Variants in TES observed in about 807,000 individuals in gnomAD.
TES encodes testin.
A neutral mutation model predicts 48.2 loss-of-function variants in TES; 41 were observed. The ratio of observed to expected loss-of-function variants is 0.85; its 90% CI spans 0.66 to 1.10. The LOEUF (loss-of-function observed/expected upper bound fraction) is 1.10. Ranked by LOEUF, TES falls within the 50% of genes least tolerant of loss-of-function variation. The pLI is 0.00. For synonymous variants in TES, 162 were observed against 174.9 expected, an observed-to-expected ratio of 0.93 and a Z score of 0.58; for missense variants, 463 against 515.1, an observed-to-expected ratio of 0.90 and a Z score of 0.98.
chr7:116,224,090 T>TG (rs1799590880), intron 1 of TES, among the ~76,000 whole-genome samples: 1 of 152,316 alleles, frequency 6.6e-6, no homozygotes, highest in South Asian at 2.1e-4. Context: ...TCACTTGCCC[T>TG]GGGGAGAACC....
intron 1 of TES, among the ~76,000 whole-genome samples, chr7:116,228,134 C>A (rs1323759314): frequency 1.3e-5 from 2 of 151,752 alleles, no homozygotes; most frequent in East Asian, 3.9e-4. Flanking sequence ...ACATTGATTC[C>A]ATTCCCATTT....
intron 2 of TES, among the ~76,000 whole-genome samples, chr7:116,235,273 T>C (rs1433546462): frequency 6.6e-6 from 1 of 152,182 alleles, no homozygotes; most frequent in African/African-American, 2.4e-5. Context: ...TTAATTATTC[T>C]CTTCTTAAAA....
intron 6 of TES, 133 bp downstream of exon 6, chr7:116,252,609 G>A (rs1233078399): frequency 3.1e-6 from 4 of 1,297,880 alleles, no homozygotes; most frequent in Non-Finnish European, 2.2e-6. Flanking sequence ...TCCTACCACA[G>A]GGTGTTAAAA....
At chr7:116,221,355 G>T (rs1300585920) in intron 1 of TES, among the ~76,000 whole-genome samples, 1 of 152,152 alleles carries the variant, frequency 6.6e-6, no homozygotes, top group African/African-American at 2.4e-5. Context: ...CCCGTATAGG[G>T]AATTGGTATG....
intron 6 of TES, among the ~76,000 whole-genome samples, chr7:116,253,055 A>C (rs1257463690): frequency 6.6e-6 from 1 of 152,248 alleles, no homozygotes; most frequent in Non-Finnish European, 1.5e-5. Flanking sequence ...CTGCTGTTGT[A>C]TAATGGCCAA....
At chr7:116,256,589 T>G (rs771577726) in intron 6 of TES, among the ~76,000 whole-genome samples, 1 of 152,206 alleles carries the variant, frequency 6.6e-6, no homozygotes, top group Non-Finnish European at 1.5e-5. Context: ...GAAAATTTTG[T>G]GGTGTAAATG....
At chr7:116,248,789 C>T (rs1281651440) in intron 2 of TES, among the ~76,000 whole-genome samples, 2 of 151,880 alleles carry the variant, frequency 1.3e-5, no homozygotes, top group Admixed American at 6.6e-5. Flanking sequence ...TTAATTGGGT[C>T]CCTCTTTCAA....
intron 1 of TES, among the ~76,000 whole-genome samples, chr7:116,233,882 G>A (rs954081021): frequency 1.3e-5 from 2 of 152,132 alleles, no homozygotes; most frequent in East Asian, 3.9e-4. Flanking sequence ...ATGGAAGAGA[G>A]GAACTCACTC....
At chr7:116,227,970 C>T (rs906637038) in intron 1 of TES, among the ~76,000 whole-genome samples, 2 of 151,358 alleles carry the variant, frequency 1.3e-5, no homozygotes, top group Non-Finnish European at 2.9e-5. Context: ...CAACTCAGAC[C>T]ATGTTTGAAA....
intron 2 of TES, among the ~76,000 whole-genome samples, chr7:116,242,945 T>A (rs1271810919): frequency 1.3e-5 from 2 of 152,210 alleles, no homozygotes; most frequent in Non-Finnish European, 2.9e-5. Flanking sequence ...TTAAAACTAA[T>A]GCAGTAAGTA....
Position 116,251,983 on chromosome 7 carries a change from C to T in TES, c.918+8C>T, listed in dbSNP as rs1800020531. ...TGTGCTGGCTGTGACGAGGTATGTT[C>T]TATGGGACCACCGGCATGCTGGTGC... On this transcript the variant is annotated splice_region_variant and intron_variant, in intron 5 of 6. Coordinates refer to ENST00000358204, the MANE Select transcript of TES (RefSeq NM_015641.4). The T allele has an allele frequency of 1.9e-6, 3 of 1,613,566 alleles. No homozygotes were observed. Among genetic ancestry groups the T allele is most frequent in the Non-Finnish European group, 2.5e-6 (3 of 1,179,560 alleles).
At chr7:116,242,760 C>A (rs962820242) in intron 2 of TES, among the ~76,000 whole-genome samples, 13 of 151,866 alleles carry the variant, frequency 8.6e-5, no homozygotes, top group African/African-American at 3.1e-4. Flanking sequence ...GTAAATTCTT[C>A]TTAATGCTAA....
chr7:116,253,869 T>G (rs1399375294), intron 6 of TES, among the ~76,000 whole-genome samples: 4 of 151,952 alleles, frequency 2.6e-5, no homozygotes, highest in African/African-American at 7.3e-5. Context: ...TGTGGGGGTG[T>G]GTGTGTGTGT....
Position 116,249,098 on chromosome 7 carries a change from A to G in TES, c.192A>G (p.Gly64=). The stretch of plus-strand genomic sequence containing the variant: ...GCAATGAAGAGGATCGAAAAGTGGG[A>G]AAACTTTTTGAAGACACCAAGTATA... The part of the protein sequence containing the change: ...LLSNEEDRKV[G]KLFEDTKYTT... The change falls in exon 3 of 7, where the codon GGA becomes GGG. Residue 64 remains glycine, a synonymous_variant. Transcript: ENST00000358204. 6.2e-7 allele frequency: 1 copy of G among 1,614,074 alleles called. No homozygotes were observed. The highest frequency in any genetic ancestry group is 8.5e-7 in the Non-Finnish European group (1 of 1,179,948).
At chr7:116,221,417 G>A (rs1342670081) in intron 1 of TES, among the ~76,000 whole-genome samples, 1 of 152,076 alleles carries the variant, frequency 6.6e-6, no homozygotes, top group East Asian at 1.9e-4. Context: ...TACAGAAATG[G>A]TTACTATTCT....
At chr7:116,219,900 G>C (rs771036891) in intron 1 of TES, among the ~76,000 whole-genome samples, 13 of 152,122 alleles carry the variant, frequency 8.5e-5, no homozygotes, top group Non-Finnish European at 1.8e-4. Flanking sequence ...GTAGAGGAAA[G>C]TTAACTTTGC....
intron 1 of TES, among the ~76,000 whole-genome samples, chr7:116,218,646 ATATC>A (rs1799521701): frequency 6.6e-6 from 1 of 152,148 alleles, no homozygotes; most frequent in Non-Finnish European, 1.5e-5. Flanking sequence ...TCTAAACTCC[ATATC>A]TATCAGTATC....
intron 1 of TES, among the ~76,000 whole-genome samples, chr7:116,218,960 T>C (rs1346439618): frequency 6.6e-6 from 1 of 152,166 alleles, no homozygotes; most frequent in East Asian, 1.9e-4. Context: ...TAGTTCCTAA[T>C]TGCCTACTGT....
At chr7:116,247,147 T>G (rs1177346028) in intron 2 of TES, among the ~76,000 whole-genome samples, 1 of 149,476 alleles carries the variant, frequency 6.7e-6, no homozygotes, top group Non-Finnish European at 1.5e-5. Context: ...TTTGAAGAAA[T>G]AAAATAAGGG....
Sources: gnomAD v4.1 joint callset for allele counts (sites outside exome capture counted in the v4.1 genomes callset) on GRCh38, gnomAD v4.1.1 for gene constraint, MANE v1.5 for transcripts, NCBI Gene and HGNC (gene_info 2026-07-23, HGNC 2026-07-21) for gene names.